FAT4: variants seen among roughly 807,000 people sequenced by gnomAD.
The protein encoded by FAT4 is FAT atypical cadherin 4, also known as protocadherin Fat 4.
FAT4 carries 84 observed loss-of-function variants against 303.9 expected under a neutral mutation model. The observed-to-expected ratio is 0.28, with a 90% confidence interval of 0.23 to 0.33. The LOEUF (loss-of-function observed/expected upper bound fraction) is 0.33. FAT4 is among the 10% of genes least tolerant of loss of function. The pLI, the probability that FAT4 is intolerant of heterozygous loss-of-function variation, is 1.00. For missense variants in FAT4, 6,005 were observed against 6,146.8 expected (o/e 0.98, Z 0.77); for synonymous variants, 2,307 against 2,298.8 (o/e 1.00, Z -0.10).
intron 2 of FAT4, among the ~76,000 whole-genome samples, chr4:125,361,250 A>T (rs1008029599): frequency 2.6e-5 from 4 of 152,128 alleles, no homozygotes; most frequent in African/African-American, 9.7e-5. Flanking sequence ...TCAGTCTATT[A>T]TTAACTAAGC....
intron 5 of FAT4, among the ~76,000 whole-genome samples, chr4:125,414,558 A>C (rs1226708691): frequency 2.6e-5 from 4 of 152,112 alleles, no homozygotes; most frequent in Non-Finnish European, 5.9e-5. Flanking sequence ...TCCCTAAATT[A>C]CTAAAGTTAC....
chr4:125,435,673 G>A (rs1372298750), intron 8 of FAT4, among the ~76,000 whole-genome samples: 1 of 152,134 alleles, frequency 6.6e-6, no homozygotes, highest in African/African-American at 2.4e-5. Context: ...AAGAAGGTCA[G>A]CATGTCTGGA....
At chr4:125,477,841 C>T (rs1035648120) in intron 14 of FAT4, among the ~76,000 whole-genome samples, 1 of 151,988 alleles carries the variant, frequency 6.6e-6, no homozygotes, top group African/African-American at 2.4e-5. Context: ...CTAGCAATAA[C>T]TTAGGGATGT....
intron 8 of FAT4, among the ~76,000 whole-genome samples, chr4:125,442,625 C>G (rs143580056): frequency 6.6e-6 from 1 of 152,016 alleles, no homozygotes; most frequent in Non-Finnish European, 1.5e-5. Flanking sequence ...TATCTTCTGG[C>G]TATGTATATG....
intron 5 of FAT4, among the ~76,000 whole-genome samples, chr4:125,413,270 A>C (rs1011524518): frequency 1.3e-5 from 2 of 151,808 alleles, no homozygotes; most frequent in African/African-American, 4.8e-5. Flanking sequence ...AGATTCTACA[A>C]TTCTGTTTCT....
chr4:125,378,465 T>A (rs1733418213), intron 2 of FAT4, among the ~76,000 whole-genome samples: 1 of 152,114 alleles, frequency 6.6e-6, no homozygotes, highest in African/African-American at 2.4e-5. Flanking sequence ...AAAAATCAGA[T>A]GTAATTTCAT....
At chr4:125,378,840 A>C (rs1392139843) in intron 2 of FAT4, among the ~76,000 whole-genome samples, 1 of 152,144 alleles carries the variant, frequency 6.6e-6, no homozygotes, top group African/African-American at 2.4e-5. Context: ...AAATGTAGGA[A>C]GTGCACTGAA....
intron 2 of FAT4, among the ~76,000 whole-genome samples, chr4:125,375,275 C>T (rs1733268773): frequency 6.6e-6 from 1 of 152,270 alleles, no homozygotes; most frequent in Non-Finnish European, 1.5e-5. Flanking sequence ...TCACTGGCAA[C>T]CTTCTTTATC....
At chr4:125,375,596 G>T (rs1329533993) in intron 2 of FAT4, among the ~76,000 whole-genome samples, 1 of 152,114 alleles carries the variant, frequency 6.6e-6, no homozygotes, top group Non-Finnish European at 1.5e-5. Flanking sequence ...AGACATCACT[G>T]CACTAAGAGT....
In FAT4 at chr4:125,317,535, C is replaced by G. The variant is rs1432991942; in HGVS notation, c.1124C>G (p.Thr375Ser). Residue 375 changes from threonine to serine, a missense_variant, in exon 2 of 18, where the codon ACC (threonine) becomes AGC (serine). By Grantham distance (58) the Thr-to-Ser change is moderately conservative. Transcript: ENST00000394329. This position sits in a 1 kb window ranked among gnomAD's most constrained non-coding sequence, Gnocchi z 7.0. Reference sequence around the variant, plus strand: ...GTAGATGAGAATGCTCAAGTGGGCACCGTGGTGGCTCTGCTCACCGTGACG... The same window carrying G: ...GTAGATGAGAATGCTCAAGTGGGCAGCGTGGTGGCTCTGCTCACCGTGACG... The part of the protein sequence containing the change: ...ASVDENAQVG[T>S]VVALLTVTDA... The G allele has an allele frequency of 6.2e-7, 1 of 1,613,948 alleles. No individual in the cohort carries two copies. Among genetic ancestry groups the G allele is most frequent in the South Asian group, 1.1e-5 (1 of 91,074 alleles).
intron 2 of FAT4, among the ~76,000 whole-genome samples, chr4:125,343,398 C>T (rs1396426407): frequency 1.3e-5 from 2 of 152,130 alleles, no homozygotes; most frequent in East Asian, 3.9e-4. Context: ...GCTCCTCCCA[C>T]TTCACCTCCT....
At chr4:125,480,677 G>A (rs1426960703) in intron 15 of FAT4, among the ~76,000 whole-genome samples, 1 of 151,982 alleles carries the variant, frequency 6.6e-6, no homozygotes, top group South Asian at 2.1e-4. Flanking sequence ...AAGTGTAATT[G>A]TGTGTAATAA....
At chr4:125,447,562 A>C (rs1725868218) in intron 9 of FAT4, among the ~76,000 whole-genome samples, 4 of 152,142 alleles carry the variant, frequency 2.6e-5, no homozygotes, top group Admixed American at 2.6e-4. Flanking sequence ...CCTATGTAAA[A>C]TGAGGTATGC....
At chr4:125,435,944 A>G (rs1725434996) in intron 8 of FAT4, among the ~76,000 whole-genome samples, 1 of 149,936 alleles carries the variant, frequency 6.7e-6, no homozygotes, top group Non-Finnish European at 1.5e-5. Context: ...CTTTGTACTT[A>G]CGTGGAGAAA....
rs1578662418 is a variant in FAT4 at position 125,452,691 on chromosome 4, T to A, written c.11681T>A (p.Phe3894Tyr). 1 of 1,614,140 alleles carries A rather than the reference T, an allele frequency of 6.2e-7. No individual in the cohort carries two copies. Among genetic ancestry groups the A allele is most frequent in the East Asian group, 2.2e-5 (1 of 44,858 alleles). ...TTTTCATGCAGCTGCCCAGATGGCT[T>A]CACTGGTAGGGCGTGTGAGAGAGAT... Reference protein sequence around the residue: ...GGFSCSCPDGFTGRACERDIN... With the variant: ...GGFSCSCPDGYTGRACERDIN... Residue 3894 changes from phenylalanine (F) to tyrosine (Y), a missense_variant, in exon 10 of 18, where the codon TTC becomes TAC. Coordinates refer to ENST00000394329, the MANE Select transcript of FAT4 (RefSeq NM_001291303.3).
chr4:125,326,884 G>T (rs1463128829), intron 2 of FAT4, among the ~76,000 whole-genome samples: 3 of 152,080 alleles, frequency 2.0e-5, no homozygotes, highest in Non-Finnish European at 4.4e-5. Context: ...AATTTGCCGG[G>T]CATGGTGGTG....
rs1030720159 is a variant in FAT4 at position 125,435,016 on chromosome 4, C to T, written c.7199+591C>T. ...TTGGTCAAAGCAGTGGTGACCAGCT[C>T]AGATTCACTGTGAGGAGAAACATGC... is the stretch of plus-strand genomic sequence containing the variant. On this transcript the variant is annotated intron_variant, in intron 8 of 17. Transcript: ENST00000394329. 5.9e-5 allele frequency among the ~76,000 whole-genome samples: 9 copies of T among 152,302 alleles called. No homozygotes were observed. In the South Asian group the frequency reaches 1.9e-3, roughly 32 times the overall value.
intron 2 of FAT4, among the ~76,000 whole-genome samples, chr4:125,392,101 T>C (rs576301011): frequency 9.2e-5 from 14 of 152,292 alleles, no homozygotes; most frequent in East Asian, 5.8e-4. Context: ...GTTGGTAATA[T>C]ATAAACTTAA....
At chr4:125,465,172 A>G (rs1726619737) in intron 11 of FAT4, among the ~76,000 whole-genome samples, 1 of 152,212 alleles carries the variant, frequency 6.6e-6, no homozygotes, top group South Asian at 2.1e-4. Context: ...CTACCCCAAG[A>G]CGATGTAGCA....
Sources: gnomAD v4.1 joint callset for allele counts (sites outside exome capture counted in the v4.1 genomes callset) on GRCh38, gnomAD v4.1.1 for gene constraint, Gnocchi (gnomAD v3.1) non-coding constraint, MANE v1.5 for transcripts, NCBI Gene and HGNC (gene_info 2026-07-23, HGNC 2026-07-21) for gene names.